GAS7: variants seen among roughly 807,000 people sequenced by gnomAD.
GAS7 encodes the protein growth arrest specific 7.
Under a neutral mutation model 71.1 loss-of-function variants are expected in GAS7, and 28 were observed. The observed-to-expected ratio is 0.39, with a 90% CI of 0.29 to 0.54. The LOEUF is 0.54. GAS7 is among the 20% of genes least tolerant of loss of function. The probability of loss-of-function intolerance (pLI) is 0.62; values close to 1 mark genes in which losing one functional copy is unlikely to be tolerated. For missense variants in GAS7, 436 were observed against 627.8 expected, an observed-to-expected ratio of 0.69 and a Z score of 3.27; for synonymous variants, 258 against 245.8, an observed-to-expected ratio of 1.05 and a Z score of -0.46.
Position 9,925,567 on chromosome 17 carries a change from G to C in GAS7, c.1047C>G (p.Asp349Glu). The change falls in exon 11 of 14, where the codon GAC (aspartate) becomes GAG (glutamate). Residue 349 changes from aspartate (D) to glutamate (E), a missense_variant. By Grantham distance (45) the Asp-to-Glu change is conservative. Coordinates refer to ENST00000432992, the MANE Select transcript of GAS7 (RefSeq NM_201433.2). ...ARKALTERQR[D>E]LEMKTQQLEI... ...CCAGCTGCTGGGTCTTCATCTCCAG[G>C]TCTCTCTGCCGCTCTGTGAGGGCTT... is the stretch of plus-strand genomic sequence containing the variant. 4 of 1,614,114 alleles carry C rather than the reference G, an allele frequency of 2.5e-6. No homozygotes were observed. The highest frequency in any genetic ancestry group is 3.4e-6 in the Non-Finnish European group (4 of 1,179,994).
chr17:9,931,581 G>T (rs1347071100), intron 9 of GAS7, among the ~76,000 whole-genome samples: 1 of 152,216 alleles, frequency 6.6e-6, no homozygotes, highest in Admixed American at 6.5e-5. Context: ...GCCTTGAGGG[G>T]AAAGCTACTC....
intron 1 of GAS7, among the ~76,000 whole-genome samples, chr17:10,110,971 C>T (rs1013860790): frequency 6.6e-6 from 1 of 152,290 alleles, no homozygotes; most frequent in Admixed American, 6.5e-5. Flanking sequence ...TCACATCTAC[C>T]CCATAAATAT....
intron 1 of GAS7, among the ~76,000 whole-genome samples, chr17:10,045,585 TA>T (rs1329676988): frequency 2.0e-5 from 3 of 151,840 alleles, no homozygotes. Context: ...TAATCCCAGC[TA>T]CTCAGCAGGC....
intron 1 of GAS7, among the ~76,000 whole-genome samples, chr17:10,054,988 G>T (rs1181910457): frequency 6.6e-6 from 1 of 152,224 alleles, no homozygotes; most frequent in African/African-American, 2.4e-5. Context: ...AAGTGGAGGA[G>T]GTGCGTAAGA....
chr17:10,099,909 G>A (rs2073682200), intron 1 of GAS7, among the ~76,000 whole-genome samples: 1 of 152,224 alleles, frequency 6.6e-6, no homozygotes, highest in African/African-American at 2.4e-5. Context: ...AACAGGGACA[G>A]TGGACAGTGG....
intron 1 of GAS7, among the ~76,000 whole-genome samples, chr17:10,044,050 A>G (rs996801144): frequency 1.3e-5 from 2 of 152,266 alleles, no homozygotes; most frequent in Admixed American, 1.3e-4. Flanking sequence ...AAATGGTGGC[A>G]GCAGCAGCTG....
chr17:10,157,686 G>C, intron 1 of GAS7, among the ~76,000 whole-genome samples: 1 of 152,168 alleles, frequency 6.6e-6, no homozygotes, highest in East Asian at 1.9e-4. Flanking sequence ...AACCAGGTTT[G>C]TCACATGAAT....
chr17:10,100,703 T>C (rs1567591414), intron 1 of GAS7, among the ~76,000 whole-genome samples: 3 of 152,124 alleles, frequency 2.0e-5, no homozygotes, highest in South Asian at 2.1e-4. Flanking sequence ...CTGGTTTTTT[T>C]CCCCTCTTTG....
chr17:10,006,583 C>G (rs2071542463), intron 2 of GAS7, among the ~76,000 whole-genome samples: 2 of 152,112 alleles, frequency 1.3e-5, no homozygotes, highest in African/African-American at 4.8e-5. Flanking sequence ...CCTGCCTCGG[C>G]CTCCCAAAGT....
At chr17:10,076,464 A>C (rs1318218511) in intron 1 of GAS7, among the ~76,000 whole-genome samples, 1 of 150,282 alleles carries the variant, frequency 6.7e-6, no homozygotes, top group Non-Finnish European at 1.5e-5. Flanking sequence ...AAAGGAAAGG[A>C]AAGGAAAAGA....
rs371190909 is a variant in GAS7, at chr17:10,175,788, C to G, written c.183+22420G>C. Among the ~76,000 whole-genome samples the G allele has an allele frequency of 4.8e-4, 73 of 152,348 alleles. 1 individual carries two copies. The highest frequency in any genetic ancestry group is 1.6e-3 in the African/African-American group (67 of 41,582). On this transcript the variant is annotated intron_variant, in intron 1 of 13. Coordinates refer to ENST00000432992, the MANE Select transcript of GAS7 (RefSeq NM_201433.2). ...GGGTTAGGATTACAGGCATGAGCTA[C>G]TACAGCTGGCCATGCATTTTAACTT...
At chr17:10,003,327 C>T (rs1313428563) in intron 2 of GAS7, among the ~76,000 whole-genome samples, 1 of 152,224 alleles carries the variant, frequency 6.6e-6, no homozygotes, top group Non-Finnish European at 1.5e-5. Context: ...CAAGTCCATG[C>T]AGGTGTTCAC....
chr17:10,131,050 T>C (rs562007658), intron 1 of GAS7, among the ~76,000 whole-genome samples: 2 of 152,350 alleles, frequency 1.3e-5, no homozygotes, highest in South Asian at 4.1e-4. Context: ...AAAAGGTATC[T>C]TGCTGAGTTT....
intron 1 of GAS7, among the ~76,000 whole-genome samples, chr17:10,069,770 C>T (rs967617680): frequency 2.6e-5 from 4 of 152,194 alleles, no homozygotes; most frequent in African/African-American, 9.7e-5. Flanking sequence ...TTAGTTGACT[C>T]ACTTTTTTCT....
intron 1 of GAS7, among the ~76,000 whole-genome samples, chr17:10,163,730 A>G (rs2320550): frequency 0.93 from 140,979 of 151,982 alleles, 65,498 homozygotes; most frequent in East Asian, 1. Flanking sequence ...GCAAGCCCCC[A>G]AGACTTTCCC....
chr17:10,101,975 A>G (rs1252402340), intron 1 of GAS7, among the ~76,000 whole-genome samples: 1 of 152,136 alleles, frequency 6.6e-6, no homozygotes, highest in Admixed American at 6.5e-5. Context: ...TGGCAGAACC[A>G]TCTAAGCAAC....
At chr17:10,124,953 T>C (rs1430115454) in intron 1 of GAS7, among the ~76,000 whole-genome samples, 1 of 151,742 alleles carries the variant, frequency 6.6e-6, no homozygotes, top group Non-Finnish European at 1.5e-5. Context: ...AAGAGCAGTA[T>C]GACACCATGG....
intron 1 of GAS7, among the ~76,000 whole-genome samples, chr17:10,186,739 T>C (rs909154218): frequency 2.0e-5 from 3 of 152,168 alleles, no homozygotes; most frequent in South Asian, 2.1e-4. Context: ...AATATTAGAC[T>C]GGGTTGGGTA....
chr17:10,000,737 C>T (rs990237984), intron 2 of GAS7, among the ~76,000 whole-genome samples: 4 of 152,152 alleles, frequency 2.6e-5, no homozygotes, highest in Non-Finnish European at 4.4e-5. Context: ...TAGGTGGGAT[C>T]GCAGCATTCA....
Sources: gnomAD v4.1 joint callset for allele counts (sites outside exome capture counted in the v4.1 genomes callset) on GRCh38, gnomAD v4.1.1 for gene constraint, MANE v1.5 for transcripts, NCBI Gene and HGNC (gene_info 2026-07-23, HGNC 2026-07-21) for gene names.